RMDN2: variants seen among roughly 807,000 people sequenced by gnomAD.
RMDN2 encodes the protein regulator of microtubule dynamics protein 2.
A neutral mutation model predicts 52.8 loss-of-function variants in RMDN2; 61 were observed. That is an observed-to-expected ratio of 1.16 (90% CI 0.94 to 1.43). The LOEUF is 1.43. Ranked by LOEUF, RMDN2 falls within the 40% of genes most tolerant of loss-of-function variation. RMDN2 has a pLI of 0.00. For synonymous variants in RMDN2, 180 were observed against 153.1 expected, an observed-to-expected ratio of 1.18 and a Z score of -1.30; for missense variants, 592 against 475.3, an observed-to-expected ratio of 1.25 and a Z score of -2.28.
chr2:38,042,303 A>G (rs1023929372), intron 10 of RMDN2, among the ~76,000 whole-genome samples: 3 of 151,320 alleles, frequency 2.0e-5, no homozygotes, highest in Admixed American at 6.6e-5. Context: ...ACCCTCCCCA[A>G]TCTCTGATAT....
At chr2:37,933,759 G>C (rs917069233) in intron 2 of RMDN2, among the ~76,000 whole-genome samples, 1 of 150,204 alleles carries the variant, frequency 6.7e-6, no homozygotes, top group East Asian at 1.9e-4. Context: ...GAGGGAGACC[G>C]TGGAAAGAGA....
Position 37,979,328 on chromosome 2 carries a change from A to G in RMDN2, c.731-1955A>G, listed in dbSNP as rs564551039. Among the ~76,000 whole-genome samples, 14 of 152,286 alleles carry G rather than the reference A, an allele frequency of 9.2e-5. No individual in the cohort carries two copies. The South Asian group carries it at 2.5e-3, about 27-fold the overall frequency. Reference sequence around the variant, plus strand: ...GGAAAAGATAATAAAGGGACAGCCAATTATATTCAGTGTATAAGGAGTAAG... The same window carrying G: ...GGAAAAGATAATAAAGGGACAGCCAGTTATATTCAGTGTATAAGGAGTAAG... On this transcript the variant is annotated intron_variant, in intron 4 of 10. Transcript: ENST00000354545.
At position 37,929,705 on chromosome 2, in the gene RMDN2, C is replaced by A; in HGVS notation, c.428C>A (p.Ser143Ter). 6.6e-7 allele frequency: 1 copy of A among 1,512,748 alleles called. No individual in the cohort carries two copies. Among genetic ancestry groups the A allele is most frequent in the South Asian group, 1.3e-5 (1 of 76,808 alleles). The allele number at this position is 1,512,748 out of a possible 1,614,324, so 93.7% of individuals were successfully genotyped here. Residue 143 changes from serine (S) to a stop codon, truncating the protein, a stop_gained, in exon 2 of 11, where the codon TCA becomes TAA. Transcript: ENST00000354545. LOFTEE classifies it high-confidence loss of function. ...TIQSSATSNS[S>*]EEAESEGGYI... ...CAAAGTTCAGCAACAAGTAATAGTT[C>A]AGAGGAAGCAGAAAGTGAAGGAGGG...
chr2:37,991,850 C>T (rs1674844644), intron 7 of RMDN2, among the ~76,000 whole-genome samples: 1 of 152,150 alleles, frequency 6.6e-6, no homozygotes, highest in South Asian at 2.1e-4. Flanking sequence ...CAAATAAAAG[C>T]AGCTGGTCCG....
intron 10 of RMDN2, chr2:38,027,444 T>C (rs1323471575): frequency 6.6e-6 from 1 of 152,228 alleles, no homozygotes; most frequent in African/African-American, 2.4e-5. Context: ...ATTTTAAAAA[T>C]CTGCTCCTCA....
chr2:37,921,653 G>A (rs1666034561), upstream of RMDN2, among the ~76,000 whole-genome samples: 1 of 152,198 alleles, frequency 6.6e-6, no homozygotes, highest in South Asian at 2.1e-4. Context: ...TGTAAATGGT[G>A]CTATGAAGAG....
intron 10 of RMDN2, among the ~76,000 whole-genome samples, chr2:38,057,218 T>A (rs904227473): frequency 2.0e-5 from 3 of 152,334 alleles, no homozygotes; most frequent in Non-Finnish European, 4.4e-5. Flanking sequence ...AAGAGCCAGG[T>A]AGTAAATATT....
chr2:38,064,500 A>G lies in RMDN2; in HGVS notation c.1714-2482A>G, dbSNP rs75077494. On this transcript the variant is annotated intron_variant, in intron 10 of 10. Transcript: ENST00000234195. ...GCGAGACTCCATCTCAAAAAAAAAA[A>G]GAAAGAAAGAAACAGGTTAGACTTC... 2.6e-5 allele frequency among the ~76,000 whole-genome samples: 4 copies of G among 152,110 alleles called. No individual in the cohort carries two copies. The East Asian group carries it at 7.7e-4, about 29-fold the overall frequency.
chr2:38,040,098 TC>T (rs1287259190), intron 10 of RMDN2, among the ~76,000 whole-genome samples: 2 of 146,626 alleles, frequency 1.4e-5, no homozygotes, highest in African/African-American at 4.9e-5. Context: ...CATATGGACA[TC>T]CAATTTTTCC....
intron 2 of RMDN2, among the ~76,000 whole-genome samples, chr2:37,937,076 G>C (rs1404305165): frequency 6.6e-6 from 1 of 152,046 alleles, no homozygotes; most frequent in African/African-American, 2.4e-5. Context: ...TTAATTTTTT[G>C]TATCAGGTGT....
At chr2:38,001,420 A>G (rs757407168) in intron 8 of RMDN2, among the ~76,000 whole-genome samples, 4 of 152,224 alleles carry the variant, frequency 2.6e-5, no homozygotes, top group African/African-American at 4.8e-5. Context: ...AATTCATCCA[A>G]GTCCTTTTGT....
At chr2:38,018,613 GTACA>G (rs1558560888), downstream of RMDN2, among the ~76,000 whole-genome samples, 1 of 152,198 alleles carries the variant, frequency 6.6e-6, no homozygotes, top group African/African-American at 2.4e-5. Context: ...GTCAAAAATA[GTACA>G]TACATAGGAT....
Position 37,989,756 on chromosome 2 carries a change from G to A in RMDN2, c.867+140G>A, listed in dbSNP as rs116251876. The A allele has an allele frequency of 3.2e-3, 1,736 of 535,530 alleles. 32 individuals carry two copies. The highest frequency in any genetic ancestry group is 0.03 in the African/African-American group (1,543 of 51,386). The allele number at this position is 535,530 out of a possible 1,614,324, so 33.2% of individuals were successfully genotyped here. On this transcript the variant is annotated intron_variant, in intron 6 of 10. Coordinates refer to ENST00000354545, the MANE Select transcript of RMDN2 (RefSeq NM_001170791.3). ...GATTATTCAACAGATTAAGCTCTGG[G>A]AATTTGCTTTTTTGTTTAAATGTTA...
At chr2:37,968,438 C>CAAAAAA (rs71400332) in intron 2 of RMDN2, among the ~76,000 whole-genome samples, 12 of 89,140 alleles carry the variant, frequency 1.3e-4, no homozygotes, top group East Asian at 4.8e-4. Context: ...GACTCTGTCT[C>CAAAAAA]AAAAAAAAAA....
chr2:37,933,239 C>A (rs1483301873), intron 2 of RMDN2, among the ~76,000 whole-genome samples: 1 of 151,894 alleles, frequency 6.6e-6, no homozygotes, highest in Non-Finnish European at 1.5e-5. Flanking sequence ...GCGCTCCTCA[C>A]TTCCTAGATG....
At chr2:37,969,254 T>A (rs1671482450) in intron 2 of RMDN2, among the ~76,000 whole-genome samples, 1 of 152,006 alleles carries the variant, frequency 6.6e-6, no homozygotes, top group African/African-American at 2.4e-5. Flanking sequence ...CATAGAAAAT[T>A]CCATTGGAAT....
rs1290125374 is a variant in RMDN2, at chr2:37,964,194, CG to C, written c.453-9844del. On this transcript the variant is annotated intron_variant, in intron 2 of 10. Coordinates refer to ENST00000354545, the MANE Select transcript of RMDN2 (RefSeq NM_001170791.3). ...CTTCTCAGACAGGGCAGCTGCCGGG[CG>C]GAGGGGCTCCTCACTTCTCAGACAG... 6.6e-5 allele frequency among the ~76,000 whole-genome samples: 10 copies of C among 150,802 alleles called. No homozygotes were observed. In the East Asian group the frequency reaches 1.4e-3, roughly 21 times the overall value.
At chr2:38,023,181 C>T (rs1679523632) in intron 10 of RMDN2, among the ~76,000 whole-genome samples, 1 of 152,200 alleles carries the variant, frequency 6.6e-6, no homozygotes, top group South Asian at 2.1e-4. Flanking sequence ...TATTTCCATG[C>T]CTAACACCAT....
rs555692393 is a variant in RMDN2, at chr2:37,997,319, C to A, written c.946-97C>A. On this transcript the variant is annotated intron_variant, in intron 7 of 10. Transcript: ENST00000354545. ...TATGTTATATCTATACACACACACA[C>A]GTATATACACATAACACACACACGT... 4.8e-5 allele frequency: 37 copies of A among 775,816 alleles called. No homozygotes were observed. The South Asian group carries it at 5.0e-4, about 10-fold the overall frequency. The allele number at this position is 775,816 out of a possible 1,614,324, so 48.1% of individuals were successfully genotyped here. A position where few individuals can be genotyped will look rare whatever the true frequency, so the allele number is the denominator to read the frequency against.
Sources: gnomAD v4.1 joint callset for allele counts (sites outside exome capture counted in the v4.1 genomes callset) on GRCh38, gnomAD v4.1.1 for gene constraint, MANE v1.5 for transcripts, NCBI Gene and HGNC (gene_info 2026-07-23, HGNC 2026-07-21) for gene names.